PDE10A: variants seen among roughly 807,000 people sequenced by gnomAD.
PDE10A encodes the protein cAMP and cAMP-inhibited cGMP 3',5'-cyclic phosphodiesterase 10A.
In PDE10A, 39 loss-of-function variants were observed where a neutral mutation model predicts 97.7. The observed-to-expected ratio is 0.40, with a 90% CI of 0.31 to 0.52. The LOEUF (loss-of-function observed/expected upper bound fraction) is 0.52, where lower values mean the gene tolerates loss of function less well. Among genes scored for constraint, PDE10A ranks in the 20% least tolerant of loss-of-function variants. The probability of loss-of-function intolerance (pLI) is 0.56; values close to 1 mark genes in which losing one functional copy is unlikely to be tolerated. For missense variants in PDE10A, 731 were observed against 1,047.8 expected (o/e 0.70, Z 4.17); for synonymous variants, 371 against 376.8 (o/e 0.98, Z 0.18).
chr6:165,546,637 A>AT (rs1783755939), intron 1 of PDE10A, among the ~76,000 whole-genome samples: 1 of 152,132 alleles, frequency 6.6e-6, no homozygotes, highest in South Asian at 2.1e-4. Flanking sequence ...ACTCTAGTTG[A>AT]TAAAGTTGTT....
In PDE10A at chr6:165,388,435, C is replaced by A; in HGVS notation, c.2473G>T (p.Ala825Ser). ...TDLERKGLLI[A>S]CLCHDLDHRG... ...TGGTCCAGGTCATGACACAGACACG[C>A]AATCAGCAGTCCTTTGCGCTTTAAA... The change falls in exon 17 of 22, where the codon GCG (alanine) becomes TCG (serine). Residue 825 changes from alanine to serine, a missense_variant. By Grantham distance (99) the Ala-to-Ser change is moderately conservative. Coordinates refer to ENST00000539869, the MANE Select transcript of PDE10A (RefSeq NM_001385079.1). The surrounding 1 kb of genome is among the most constrained non-coding windows in gnomAD (Gnocchi z 4.0). 1 of 1,614,070 alleles carries A rather than the reference C, an allele frequency of 6.2e-7. No individual in the cohort carries two copies. The highest frequency in any genetic ancestry group is 1.1e-5 in the South Asian group (1 of 91,084).
intron 1 of PDE10A, among the ~76,000 whole-genome samples, chr6:165,908,270 G>A (rs1176765893): frequency 6.6e-6 from 1 of 152,206 alleles, no homozygotes; most frequent in Non-Finnish European, 1.5e-5. Flanking sequence ...CACACACCTG[G>A]GAAGGCTGGG....
chr6:165,540,830 A>T (rs9459446), intron 2 of PDE10A, among the ~76,000 whole-genome samples: 16,728 of 152,168 alleles, frequency 0.11, 1,027 homozygotes, highest in East Asian at 0.21. Context: ...GGGTTTCACC[A>T]GGTTAGCCAG....
At chr6:165,425,384 A>C (rs1305259428) in intron 10 of PDE10A, among the ~76,000 whole-genome samples, 2 of 152,188 alleles carry the variant, frequency 1.3e-5, no homozygotes, top group African/African-American at 4.8e-5. Flanking sequence ...GGTTACTTTA[A>C]CATCCAAGAA....
intron 3 of PDE10A, among the ~76,000 whole-genome samples, chr6:165,481,155 G>A (rs948267751): frequency 2.6e-5 from 4 of 152,132 alleles, no homozygotes; most frequent in African/African-American, 9.7e-5. Context: ...TCACTTTTCA[G>A]AGTCCCCATC....
intron 1 of PDE10A, chr6:165,946,644 C>T (rs1416423272): frequency 6.6e-6 from 1 of 152,070 alleles, no homozygotes; most frequent in Non-Finnish European, 1.5e-5. Flanking sequence ...TTAGCCATTC[C>T]ACAATGTATA....
chr6:165,560,222 A>C (rs913909690), intron 1 of PDE10A, among the ~76,000 whole-genome samples: 3 of 152,216 alleles, frequency 2.0e-5, no homozygotes, highest in Non-Finnish European at 4.4e-5. Flanking sequence ...AAAGCACAAG[A>C]AAGATTTGAA....
intron 17 of PDE10A, among the ~76,000 whole-genome samples, chr6:165,382,382 C>G (rs1784992885): frequency 6.6e-6 from 1 of 152,142 alleles, no homozygotes; most frequent in African/African-American, 2.4e-5. Context: ...ATCAAACATT[C>G]ATGATGGCAA....
At chr6:165,694,183 GT>G (rs1342654958) in intron 1 of PDE10A, among the ~76,000 whole-genome samples, 1 of 152,190 alleles carries the variant, frequency 6.6e-6, no homozygotes, top group Non-Finnish European at 1.5e-5. Context: ...CTCATCATAA[GT>G]TAATTAGATG....
intron 1 of PDE10A, among the ~76,000 whole-genome samples, chr6:165,797,101 G>A (rs1242381189): frequency 1.3e-5 from 2 of 152,200 alleles, no homozygotes; most frequent in Non-Finnish European, 2.9e-5. Flanking sequence ...GGGTGCAAGT[G>A]ACCCTTGGTT....
At chr6:165,648,901 A>C (rs557763393) in intron 1 of PDE10A, among the ~76,000 whole-genome samples, 2 of 152,308 alleles carry the variant, frequency 1.3e-5, no homozygotes, top group East Asian at 3.9e-4. Context: ...TAAGTGCTCC[A>C]CAGAGTGAAA....
intron 1 of PDE10A, among the ~76,000 whole-genome samples, chr6:165,726,783 G>A (rs544767047): frequency 4.2e-4 from 64 of 151,210 alleles, no homozygotes; most frequent in African/African-American, 1.5e-3. Context: ...TCTCCCTCGC[G>A]GGATCGAACC....
intron 5 of PDE10A, among the ~76,000 whole-genome samples, chr6:165,440,149 G>A (rs900866377): frequency 6.6e-6 from 1 of 152,014 alleles, no homozygotes; most frequent in Non-Finnish European, 1.5e-5. Context: ...CTATGTAGAC[G>A]GCCGTAAGTA....
At chr6:165,534,320 A>G (rs1256438913) in intron 2 of PDE10A, among the ~76,000 whole-genome samples, 2 of 151,450 alleles carry the variant, frequency 1.3e-5, no homozygotes, top group Non-Finnish European at 3.0e-5. Flanking sequence ...TCAAAAAAAA[A>G]AAAAAAAGTC....
intron 1 of PDE10A, among the ~76,000 whole-genome samples, chr6:165,584,385 G>T (rs1021228650): frequency 6.6e-6 from 1 of 152,046 alleles, no homozygotes; most frequent in Non-Finnish European, 1.5e-5. Context: ...CTTTGATTTG[G>T]TACTTTCCCA....
intron 1 of PDE10A, among the ~76,000 whole-genome samples, chr6:165,643,574 A>G (rs1306156653): frequency 4.6e-5 from 7 of 152,180 alleles, no homozygotes; most frequent in Non-Finnish European, 7.3e-5. Context: ...GTGAAAACAG[A>G]TAAGTGAAAT....
At chr6:165,909,237 C>G (rs369317411) in intron 1 of PDE10A, among the ~76,000 whole-genome samples, 2 of 152,318 alleles carry the variant, frequency 1.3e-5, no homozygotes, top group African/African-American at 4.8e-5. Context: ...TCCCAGGGCC[C>G]CTGGCTGGGG....
At chr6:165,656,841 G>A (rs1035853507) in intron 1 of PDE10A, among the ~76,000 whole-genome samples, 2 of 152,234 alleles carry the variant, frequency 1.3e-5, no homozygotes, top group Non-Finnish European at 2.9e-5. Flanking sequence ...GTCTGTGGGT[G>A]AGCGTGTCTG....
chr6:165,337,656 G>A (rs1781730666), intron 20 of PDE10A, among the ~76,000 whole-genome samples: 1 of 152,148 alleles, frequency 6.6e-6, no homozygotes, highest in East Asian at 1.9e-4. Flanking sequence ...GGTAAAATAT[G>A]AACTGATCAT....
Sources: allele counts gnomAD v4.1 joint callset (sites outside exome capture counted in the v4.1 genomes callset), GRCh38; gene constraint gnomAD v4.1.1; non-coding constraint Gnocchi (gnomAD v3.1); transcripts MANE v1.5; gene names NCBI Gene and HGNC (gene_info 2026-07-23, HGNC 2026-07-21).